Variants in TBC1D2B observed in about 807,000 individuals in gnomAD.
TBC1D2B encodes TBC1 domain family member 2B.
TBC1D2B carries 64 observed loss-of-function variants against 100.8 expected under a neutral mutation model. The ratio of observed to expected loss-of-function variants is 0.64; its 90% confidence interval spans 0.52 to 0.78. The LOEUF is 0.78. TBC1D2B is among the 30% of genes least tolerant of loss of function. The probability of loss-of-function intolerance (pLI) is 0.00; values close to 1 mark genes in which losing one functional copy is unlikely to be tolerated. For synonymous variants in TBC1D2B, 480 were observed against 479.7 expected, an observed-to-expected ratio of 1.00 and a Z score of -0.01; for missense variants, 1,052 against 1,218.4, an observed-to-expected ratio of 0.86 and a Z score of 2.03.
At chr15:78,075,197 A>AT (rs150515862) in intron 1 of TBC1D2B, among the ~76,000 whole-genome samples, 8,804 of 149,890 alleles carry the variant, frequency 0.059, 367 homozygotes, top group Middle Eastern at 0.11. Context: ...CTTATTTATT[A>AT]TTTTTTTTTT....
At chr15:78,019,667 C>T (rs1394699128) in intron 6 of TBC1D2B, among the ~76,000 whole-genome samples, 1 of 151,698 alleles carries the variant, frequency 6.6e-6, no homozygotes, top group Non-Finnish European at 1.5e-5. Context: ...GCAAGAGGAT[C>T]ACTTGAGGCC....
chr15:78,007,918 C>T (rs1294904458), intron 10 of TBC1D2B, among the ~76,000 whole-genome samples: 2 of 152,200 alleles, frequency 1.3e-5, no homozygotes, highest in Non-Finnish European at 2.9e-5. Context: ...CAGTCTCCTG[C>T]CAGCACCTCC....
chr15:78,028,419 C>T (rs1282596047), intron 4 of TBC1D2B, among the ~76,000 whole-genome samples: 2 of 152,126 alleles, frequency 1.3e-5, no homozygotes, highest in African/African-American at 2.4e-5. Context: ...TGCAATGAGC[C>T]GAGATCGCGC....
At chr15:78,028,202 C>T (rs1426635694) in intron 4 of TBC1D2B, among the ~76,000 whole-genome samples, 2 of 152,168 alleles carry the variant, frequency 1.3e-5, no homozygotes, top group African/African-American at 2.4e-5. Context: ...TGGCCAGGCA[C>T]GGTGGCTCAT....
At chr15:78,010,695 A>G (rs2072200722) in intron 9 of TBC1D2B, among the ~76,000 whole-genome samples, 1 of 152,166 alleles carries the variant, frequency 6.6e-6, no homozygotes, top group Non-Finnish European at 1.5e-5. Context: ...CTTTGAGGAC[A>G]TCACTTAAAT....
chr15:78,051,750 T>C (rs1005073576), intron 2 of TBC1D2B, among the ~76,000 whole-genome samples: 8 of 152,238 alleles, frequency 5.3e-5, no homozygotes, highest in African/African-American at 1.9e-4. Flanking sequence ...ACAACAAGCA[T>C]GGCTTTAGAA....
chr15:78,067,270 A>G (rs1406423814), intron 1 of TBC1D2B, among the ~76,000 whole-genome samples: 1 of 152,170 alleles, frequency 6.6e-6, no homozygotes, highest in Non-Finnish European at 1.5e-5. Flanking sequence ...ATGACCCTTG[A>G]GCAAAAATAA....
chr15:78,046,808 CA>C (rs1413985484), intron 2 of TBC1D2B, among the ~76,000 whole-genome samples: 1 of 152,130 alleles, frequency 6.6e-6, no homozygotes, highest in Non-Finnish European at 1.5e-5. Context: ...AGCACACAAT[CA>C]GAGTCAGCAA....
intron 1 of TBC1D2B, among the ~76,000 whole-genome samples, chr15:78,075,415 G>C (rs2075640164): frequency 6.6e-6 from 1 of 152,078 alleles, no homozygotes. Flanking sequence ...AGCCAGGATG[G>C]TCTCGAGCTC....
intron 6 of TBC1D2B, among the ~76,000 whole-genome samples, chr15:78,021,947 T>C (rs2141685945): frequency 6.6e-6 from 1 of 152,208 alleles, no homozygotes; most frequent in African/African-American, 2.4e-5. Context: ...CCTGGCTCGC[T>C]CCCCGGGAAA....
At position 78,045,049 on chromosome 15, in the gene TBC1D2B, T is replaced by C; in HGVS notation, c.534A>G (p.Pro178=). ...TTCTGGCTTTTTCTGCAGAAGCATT[T>C]GGGTGTGGGTAAATTAAATCTGAAA... ...RDNTDLIYPH[P]NASAEKARNV... The change falls in exon 3 of 13, where the codon CCA becomes CCG. Residue 178 remains proline (P), a synonymous_variant. Transcript: ENST00000300584. The C allele has an allele frequency of 6.2e-7, 1 of 1,604,164 alleles. No homozygotes were observed. Among genetic ancestry groups the C allele is most frequent in the Non-Finnish European group, 8.5e-7 (1 of 1,174,632 alleles).
Position 78,077,674 on chromosome 15 carries a change from G to C in TBC1D2B, c.-22C>G, listed in dbSNP as rs2073855881. The C allele has an allele frequency of 1.1e-5, 11 of 986,152 alleles. No individual in the cohort carries two copies. The Admixed American group carries it at 2.5e-4, about 22-fold the overall frequency. The allele number at this position is 986,152 out of a possible 1,614,324, so 61.1% of individuals were successfully genotyped here. ...GCATCGCTACCGCGCGCCAACCGTAGGCGCCCGCGCCCTGCGCCTCCGCGC... is the reference window on the plus strand; with the variant it reads ...GCATCGCTACCGCGCGCCAACCGTACGCGCCCGCGCCCTGCGCCTCCGCGC... On this transcript the variant is annotated 5_prime_UTR_variant, in exon 1 of 13. Transcript: ENST00000300584.
chr15:78,024,802 C>T (rs899256755), intron 5 of TBC1D2B, among the ~76,000 whole-genome samples: 5 of 152,120 alleles, frequency 3.3e-5, no homozygotes, highest in African/African-American at 1.2e-4. Flanking sequence ...CAATGGTATC[C>T]AGTAAATGTC....
Position 77,997,839 on chromosome 15 carries a change from C to T in TBC1D2B, c.*321G>A, listed in dbSNP as rs1479094786. On this transcript the variant is annotated 3_prime_UTR_variant, in exon 13 of 13. Transcript: ENST00000300584. ...CCAGCAAAGCAAGGTTTCAGAGGGT[C>T]AGAGCACCGACAGGCTGACGGAGGC... The T allele has an allele frequency of 4.4e-6, 1 of 228,414 alleles. No individual in the cohort carries two copies. 14.1% of individuals were successfully genotyped at this position (228,414 alleles called of 1,614,324 possible). A position where few individuals can be genotyped will look rare whatever the true frequency, so the allele number is the denominator to read the frequency against.
chr15:78,024,289 G>T lies in TBC1D2B; in HGVS notation c.1337C>A (p.Thr446Asn), dbSNP rs760248211. 1.2e-6 allele frequency: 2 copies of T among 1,613,916 alleles called. No individual in the cohort carries two copies. The highest frequency in any genetic ancestry group is 1.7e-6 in the Non-Finnish European group (2 of 1,179,908). Reference sequence around the variant, plus strand: ...GATGACCTCGTCCTTGGCTTGGATGGTCTCCATGAGCATTCCCAGCTGCTC... The same window carrying T: ...GATGACCTCGTCCTTGGCTTGGATGTTCTCCATGAGCATTCCCAGCTGCTC... ...LNEQLGMLME[T>N]IQAKDEVIIK... Residue 446 changes from threonine to asparagine, a missense_variant, in exon 6 of 13, where the codon ACC (threonine) becomes AAC (asparagine). Thr to Asn is a moderately conservative substitution (Grantham distance 65). This residue lies in a region of TBC1D2B where 627 missense variants were observed against 646.1 expected (regional missense o/e 0.97). Coordinates refer to ENST00000300584, the MANE Select transcript of TBC1D2B (RefSeq NM_144572.2).
At position 78,016,612 on chromosome 15, in the gene TBC1D2B, TC is replaced by T; in HGVS notation, c.1708del (p.Glu570ArgfsTer51). The T allele has an allele frequency of 6.2e-7, 1 of 1,613,016 alleles. No homozygotes were observed. Reference sequence around the variant, plus strand: ...TTGGCTCTCAACCTGCAGAGCATCCTCCAGCAACTGGGCTATGACCTCCCGG... The same window carrying T: ...TTGGCTCTCAACCTGCAGAGCATCCTCAGCAACTGGGCTATGACCTCCCGG... ...PTREVIAQLL[E>X]DALQVESQEQ... On this transcript the variant is annotated frameshift_variant, in exon 8 of 13. Coordinates refer to ENST00000300584, the MANE Select transcript of TBC1D2B (RefSeq NM_144572.2). LOFTEE classifies it high-confidence loss of function.
chr15:78,015,368 G>C (rs984584179), intron 8 of TBC1D2B, among the ~76,000 whole-genome samples: 1 of 152,050 alleles, frequency 6.6e-6, no homozygotes, highest in African/African-American at 2.4e-5. Flanking sequence ...CTACTTCTTT[G>C]TATGTTTTAA....
chr15:78,066,262 C>A lies in TBC1D2B; in HGVS notation c.360+11031G>T, dbSNP rs1306794287. 1.2e-5 allele frequency: 4 copies of A among 330,782 alleles called. No individual in the cohort carries two copies. In the Admixed American group the frequency reaches 1.5e-4, roughly 12 times the overall value. The allele number at this position is 330,782 out of a possible 1,614,324, so 20.5% of individuals were successfully genotyped here. On this transcript the variant is annotated intron_variant, in intron 1 of 12. Transcript: ENST00000300584. ...AAACTCAGAATGCAAAGAAGATATG[C>A]AGCTATAAACCACAGAGAGTCAACC...
chr15:78,035,751 GA>G (rs141607029), intron 3 of TBC1D2B, among the ~76,000 whole-genome samples: 7,773 of 152,280 alleles, frequency 0.051, 393 homozygotes, highest in African/African-American at 0.12. Context: ...AATGCTATTT[GA>G]AATGACAGAA....
Sources: allele counts gnomAD v4.1 joint callset (sites outside exome capture counted in the v4.1 genomes callset), GRCh38; gene constraint gnomAD v4.1.1; regional missense constraint gnomAD v4.1.1; transcripts MANE v1.5; gene names NCBI Gene and HGNC (gene_info 2026-07-23, HGNC 2026-07-21).